Variants in ZNF585B observed in about 807,000 individuals in gnomAD.
ZNF585B encodes zinc finger protein 41-like protein.
Under a neutral mutation model 14.0 loss-of-function variants are expected in ZNF585B, and 7 were observed. That is an observed-to-expected ratio of 0.50 (90% CI 0.28 to 0.94). The LOEUF (loss-of-function observed/expected upper bound fraction) is 0.94, where lower values mean the gene tolerates loss of function less well. ZNF585B is among the 40% of genes least tolerant of loss of function. The pLI is 0.09. For synonymous variants in ZNF585B, 290 were observed against 317.3 expected, an observed-to-expected ratio of 0.91 and a Z score of 0.91; for missense variants, 750 against 924.4, an observed-to-expected ratio of 0.81 and a Z score of 2.45.
At position 37,190,105 on chromosome 19, in the gene ZNF585B, C is replaced by G; in HGVS notation, c.118G>C (p.Glu40Gln). ...RDVAIDFSREEWRHLDLSQRN... is the reference protein window; with the variant it reads ...RDVAIDFSREQWRHLDLSQRN... ...TGAGAAAGGTCCAGGTGCCGCCATT[C>G]CTCTCTGCTGAAATCGATAGCCACA... Residue 40 changes from glutamate to glutamine, a missense_variant, in exon 3 of 5, where the codon GAA becomes CAA. Coordinates refer to ENST00000532828, the MANE Select transcript of ZNF585B (RefSeq NM_152279.4). 6.2e-7 allele frequency: 1 copy of G among 1,614,182 alleles called. No homozygotes were observed. Among genetic ancestry groups the G allele is most frequent in the Non-Finnish European group, 8.5e-7 (1 of 1,180,038 alleles).
Position 37,186,106 on chromosome 19 carries a change from G to T in ZNF585B, c.1431C>A (p.Asn477Lys). Residue 477 changes from asparagine to lysine, a missense_variant, in exon 5 of 5, where the codon AAC becomes AAA. This residue lies in a region of ZNF585B where 233 missense variants were observed against 354.1 expected (regional missense o/e 0.66). Transcript: ENST00000532828. ...VCNKCGKAFTNRSNLITHQKT... is the reference protein window; with the variant it reads ...VCNKCGKAFTKRSNLITHQKT... The stretch of plus-strand genomic sequence containing the variant: ...TCTGATGTGTAATGAGATTTGACCG[G>T]TTGGTGAATGCCTTCCCACATTTAT... 7 of 1,614,026 alleles carry T rather than the reference G, an allele frequency of 4.3e-6. No individual in the cohort carries two copies. Among genetic ancestry groups the T allele is most frequent in the Non-Finnish European group, 5.9e-6 (7 of 1,180,004 alleles).
At chr19:37,192,173 G>A (rs1972408925) in intron 2 of ZNF585B, among the ~76,000 whole-genome samples, 1 of 152,122 alleles carries the variant, frequency 6.6e-6, no homozygotes, top group South Asian at 2.1e-4. Context: ...TATGTTACTA[G>A]TCTTCACGCA....
chr19:37,206,041 T>C (rs1027050067), intron 2 of ZNF585B, among the ~76,000 whole-genome samples: 4 of 151,806 alleles, frequency 2.6e-5, no homozygotes, highest in African/African-American at 4.8e-5. Context: ...GATCATGCCA[T>C]TGCACTCCAG....
rs1174104378 is a variant in ZNF585B at position 37,183,749 on chromosome 19, T to G, written c.*1478A>C. 6.6e-6 allele frequency: 1 copy of G among 152,226 alleles called. No individual in the cohort carries two copies. The highest frequency in any genetic ancestry group is 2.4e-5 in the African/African-American group (1 of 41,416). The allele number at this position is 152,226 out of a possible 1,614,324, so 9.4% of individuals were successfully genotyped here. On this transcript the variant is annotated 3_prime_UTR_variant, in exon 5 of 5. Transcript: ENST00000532828. ...CCTTGTGGGGTGCGTGGGACGAAGA[T>G]GGACACAAGTAGACAGTGAACATAT...
intron 2 of ZNF585B, among the ~76,000 whole-genome samples, chr19:37,191,381 G>A (rs1466902937): frequency 6.6e-6 from 1 of 152,104 alleles, no homozygotes; most frequent in African/African-American, 2.4e-5. Context: ...ACTTTGGGAG[G>A]CCAAGGTAGG....
intron 2 of ZNF585B, chr19:37,198,874 G>T: frequency 1.1e-6 from 1 of 947,298 alleles, no homozygotes; most frequent in Non-Finnish European, 1.5e-6. Flanking sequence ...AGATGGAAGT[G>T]GAAAGAAAAG....
chr19:37,203,557 A>G (rs950997466), intron 2 of ZNF585B, among the ~76,000 whole-genome samples: 4 of 151,376 alleles, frequency 2.6e-5, no homozygotes, highest in African/African-American at 9.7e-5. Flanking sequence ...ATTTGCCATT[A>G]TAATTATTTT....
intron 2 of ZNF585B, among the ~76,000 whole-genome samples, chr19:37,200,341 G>A (rs1186475110): frequency 6.6e-6 from 1 of 151,354 alleles, no homozygotes; most frequent in Non-Finnish European, 1.5e-5. Flanking sequence ...CATGAGGTCA[G>A]GAGCTCGAGA....
intron 1 of ZNF585B, among the ~76,000 whole-genome samples, chr19:37,207,714 A>C (rs1402072693): frequency 1.3e-5 from 2 of 152,234 alleles, no homozygotes; most frequent in Non-Finnish European, 2.9e-5. Context: ...ATGCTTTTAA[A>C]GTACTCAATG....
intron 1 of ZNF585B, among the ~76,000 whole-genome samples, chr19:37,207,582 GC>G (rs760030700): frequency 1.3e-5 from 2 of 152,164 alleles, no homozygotes; most frequent in East Asian, 1.9e-4. Flanking sequence ...TAACATTACT[GC>G]AGATTTGAAC....
At position 37,185,068 on chromosome 19, in the gene ZNF585B, C is replaced by CA; in HGVS notation, c.*158dup. 1.3e-6 allele frequency: 1 copy of CA among 777,612 alleles called. No homozygotes were observed. The highest frequency in any genetic ancestry group is 2.0e-6 in the Non-Finnish European group (1 of 496,836). The allele number at this position is 777,612 out of a possible 1,614,324, so 48.2% of individuals were successfully genotyped here. On this transcript the variant is annotated 3_prime_UTR_variant, in exon 5 of 5. Transcript: ENST00000532828. ...ACAATGTAGGAAGGGTCCCTCGCCT[C>CA]ATTCAGTGCCTTCTCAGAGGCCCTC...
intron 2 of ZNF585B, among the ~76,000 whole-genome samples, chr19:37,191,944 C>T (rs759156178): frequency 1.4e-4 from 22 of 152,182 alleles, no homozygotes; most frequent in African/African-American, 2.6e-4. Flanking sequence ...GCAGGAGAAT[C>T]GCTTGAACCT....
At chr19:37,199,613 G>T in intron 2 of ZNF585B, 2 of 286,264 alleles carry the variant, frequency 7.0e-6, no homozygotes, top group Non-Finnish European at 1.4e-5. Flanking sequence ...AAGATACTAT[G>T]AGCAAAAAGG....
chr19:37,204,350 G>A (rs1021144446), intron 2 of ZNF585B, among the ~76,000 whole-genome samples: 1 of 152,198 alleles, frequency 6.6e-6, no homozygotes, highest in Non-Finnish European at 1.5e-5. Context: ...AGTGTTGCTA[G>A]AAGCTAACCT....
intron 2 of ZNF585B, chr19:37,199,184 T>C (rs1288292235): frequency 1.0e-5 from 5 of 495,554 alleles, no homozygotes; most frequent in African/African-American, 1.9e-5. Flanking sequence ...CGAGATGTCA[T>C]GTTAGGCTGG....
intron 2 of ZNF585B, among the ~76,000 whole-genome samples, chr19:37,203,982 A>G (rs958834168): frequency 9.8e-5 from 15 of 152,346 alleles, no homozygotes; most frequent in Middle Eastern, 3.4e-3. Flanking sequence ...AAAACAATCA[A>G]TATTATAGCA....
chr19:37,189,558 G>T (rs1454879215), intron 4 of ZNF585B, 103 bp downstream of exon 4: 3 of 1,286,402 alleles, frequency 2.3e-6, no homozygotes, highest in African/African-American at 1.5e-5. Flanking sequence ...TTACTGAAGA[G>T]TGGTCTTAAT....
At position 37,186,985 on chromosome 19, in the gene ZNF585B, C is replaced by G; in HGVS notation, c.552G>C (p.Lys184Asn). 1 of 1,613,834 alleles carries G rather than the reference C, an allele frequency of 6.2e-7. No individual in the cohort carries two copies. The highest frequency in any genetic ancestry group is 8.5e-7 in the Non-Finnish European group (1 of 1,179,938). ...ITHQKTHMRE[K>N]PYKCNECGKS... ...TTCCACATTCATTGCACTTATAGGG[C>G]TTCTCTCTCATATGGGTTTTCTGAT... Residue 184 changes from lysine to asparagine, a missense_variant, in exon 5 of 5, where the codon AAG becomes AAC. This residue lies in a region of ZNF585B where 517 missense variants were observed against 570.3 expected (regional missense o/e 0.91). Coordinates refer to ENST00000532828, the MANE Select transcript of ZNF585B (RefSeq NM_152279.4).
chr19:37,186,747 G>A lies in ZNF585B; in HGVS notation c.790C>T (p.His264Tyr). The stretch of plus-strand genomic sequence containing the variant: ...CAGATGTAGGATCTCTCGCCTGTAT[G>A]GATTTTCTGATGAATCTTGAGTGTG... ...KSTLKIHQKI[H>Y]TGERSYICIE... is the part of the protein sequence containing the mutation. The change falls in exon 5 of 5, where the codon CAT (histidine) becomes TAT (tyrosine). Residue 264 changes from histidine (H) to tyrosine (Y), a missense_variant. Physicochemically the swap from His to Tyr is moderately conservative, Grantham distance 83 (BLOSUM62 2). Coordinates refer to ENST00000532828, the MANE Select transcript of ZNF585B (RefSeq NM_152279.4). 6.2e-7 allele frequency: 1 copy of A among 1,614,102 alleles called. No individual in the cohort carries two copies.
Sources: allele counts gnomAD v4.1 joint callset (sites outside exome capture counted in the v4.1 genomes callset), GRCh38; gene constraint gnomAD v4.1.1; regional missense constraint gnomAD v4.1.1; transcripts MANE v1.5; gene names NCBI Gene and HGNC (gene_info 2026-07-23, HGNC 2026-07-21).